PKD1L1: variants seen among roughly 807,000 people sequenced by gnomAD.
PKD1L1 encodes the protein polycystin-1-like protein 1.
Under a neutral mutation model 323.4 loss-of-function variants are expected in PKD1L1, and 236 were observed. That is an observed-to-expected ratio of 0.73 (90% CI 0.66 to 0.81). PKD1L1 has a LOEUF of 0.81. Among genes scored for constraint, PKD1L1 ranks in the 40% least tolerant of loss-of-function variants. PKD1L1 has a pLI of 0.00. For synonymous variants in PKD1L1, 1,344 were observed against 1,335.0 expected, an observed-to-expected ratio of 1.01 and a Z score of -0.15; for missense variants, 3,320 against 3,508.0, an observed-to-expected ratio of 0.95 and a Z score of 1.35.
rs375249798 is a variant in PKD1L1 at position 47,892,888 on chromosome 7, C to CAA, written c.2453+988_2453+989dup. Among the ~76,000 whole-genome samples the CAA allele has an allele frequency of 9.9e-3, 1,445 of 146,540 alleles. 29 individuals are homozygous for CAA. Among genetic ancestry groups the CAA allele is most frequent in the African/African-American group, 0.034 (1,362 of 39,866 alleles). ...GTGGAACTGATGTTTAAGGGAGGGC[C>CAA]AAAAAAAAAGAAAGGAAGAAAAAGA... On this transcript the variant is annotated intron_variant, in intron 15 of 56. Coordinates refer to ENST00000289672, the MANE Select transcript of PKD1L1 (RefSeq NM_138295.5).
chr7:47,788,661 T>G (rs889983459), intron 56 of PKD1L1, among the ~76,000 whole-genome samples: 9 of 151,146 alleles, frequency 6.0e-5, no homozygotes, highest in Non-Finnish European at 1.0e-4. Flanking sequence ...AGTGGTGCAA[T>G]CTCGGCTCAC....
At chr7:47,827,578 C>G in intron 44 of PKD1L1, 110 bp from the exon 45 acceptor site, 1 of 894,716 alleles carries the variant, frequency 1.1e-6, no homozygotes, top group African/African-American at 1.6e-5. Flanking sequence ...GTGCCTTCAG[C>G]CTGGCATTTG....
At chr7:47,864,712 CTTCCT>C (rs1314725395) in intron 26 of PKD1L1, among the ~76,000 whole-genome samples, 11 of 136,262 alleles carry the variant, frequency 8.1e-5, no homozygotes, top group South Asian at 5.4e-4. Context: ...CTTCCCTTCC[CTTCCT>C]TTCCTTTCCT....
intron 46 of PKD1L1, among the ~76,000 whole-genome samples, chr7:47,820,052 A>G (rs1052915599): frequency 2.6e-5 from 4 of 152,214 alleles, no homozygotes; most frequent in Admixed American, 2.6e-4. Flanking sequence ...GCAAAGAACC[A>G]ATATTATTTC....
At position 47,839,944 on chromosome 7, in the gene PKD1L1, G is replaced by A. The variant is rs768898278; in HGVS notation, c.5553-282C>T. ...TCTCGTTCATGTATTTGTCTCTGGT[G>A]TGGATTAGTCTAAAGTTAACCTTTT... On this transcript the variant is annotated intron_variant, in intron 35 of 56. Coordinates refer to ENST00000289672, the MANE Select transcript of PKD1L1 (RefSeq NM_138295.5). This position sits in a 1 kb window ranked among gnomAD's most constrained non-coding sequence, Gnocchi z 4.3. 6.6e-6 allele frequency among the ~76,000 whole-genome samples: 1 copy of A among 152,160 alleles called. No individual in the cohort carries two copies. The highest frequency in any genetic ancestry group is 1.5e-5 in the Non-Finnish European group (1 of 68,034).
chr7:47,905,198 TG>T lies in PKD1L1; in HGVS notation c.1649del (p.Thr550LysfsTer18). 6.2e-7 allele frequency: 1 copy of T among 1,614,160 alleles called. No homozygotes were observed. Among genetic ancestry groups the T allele is most frequent in the Non-Finnish European group, 8.5e-7 (1 of 1,180,032 alleles). On this transcript the variant is annotated frameshift_variant, in exon 11 of 57. Transcript: ENST00000289672. LOFTEE classifies it high-confidence loss of function. The stretch of plus-strand genomic sequence containing the variant: ...GTCTTTTTTTAATGCTTCTTGAAGT[TG>T]TCCTCACTGGTGGATCCTCTCCAAA... The part of the protein sequence containing the change: ...WYFGEDPPVR[T>X]TSRSIKKRLS...
Position 47,877,496 on chromosome 7 carries a change from C to G in PKD1L1, c.3656G>C (p.Gly1219Ala), listed in dbSNP as rs1466872690. 6.2e-7 allele frequency: 1 copy of G among 1,613,768 alleles called. No individual in the cohort carries two copies. Among genetic ancestry groups the G allele is most frequent in the Non-Finnish European group, 8.5e-7 (1 of 1,179,856 alleles). ...HTVFSVFCMS[G>A]KPDFHYEFSY... ...ATGGGGTTGTCCACGTACCGGTTTTCCAGACATGCAGAAGACACTGAAGAC... is the reference window on the plus strand; with the variant it reads ...ATGGGGTTGTCCACGTACCGGTTTTGCAGACATGCAGAAGACACTGAAGAC... The change falls in exon 22 of 57, where the codon GGA becomes GCA. Residue 1219 changes from glycine (G) to alanine (A), a missense_variant. Physicochemically the swap from Gly to Ala is moderately conservative, Grantham distance 60. Transcript: ENST00000289672.
chr7:47,779,405 G>A (rs773049956), intron 56 of PKD1L1, among the ~76,000 whole-genome samples: 1 of 152,172 alleles, frequency 6.6e-6, no homozygotes, highest in Non-Finnish European at 1.5e-5. Context: ...GAAACATGGT[G>A]TGTTTTGAGG....
chr7:47,894,092 G>A, intron 14 of PKD1L1, 33 bp from the exon 15 acceptor site: 1 of 1,517,952 alleles, frequency 6.6e-7, no homozygotes, highest in Non-Finnish European at 8.8e-7. Context: ...GGGATGTCAT[G>A]CAGGGACAAG....
rs562928792 is a variant in PKD1L1 at position 47,795,767 on chromosome 7, G to A, written c.8355+222C>T. On this transcript the variant is annotated intron_variant, in intron 55 of 56. Coordinates refer to ENST00000289672, the MANE Select transcript of PKD1L1 (RefSeq NM_138295.5). The stretch of plus-strand genomic sequence containing the variant: ...ACAGGTCACTATAAGGATATAGTGA[G>A]TTAAGGCAGGAGAATGTGCTTGGTA... Among the ~76,000 whole-genome samples the A allele has an allele frequency of 1.7e-4, 26 of 152,298 alleles. 1 individual carries two copies. The South Asian group carries it at 5.2e-3, about 30-fold the overall frequency.
chr7:47,934,608 T>C (rs1175382924), intron 4 of PKD1L1, among the ~76,000 whole-genome samples: 1 of 152,204 alleles, frequency 6.6e-6, no homozygotes, highest in Non-Finnish European at 1.5e-5. Flanking sequence ...AACCTGCATG[T>C]CTTAGCTGAG....
intron 56 of PKD1L1, among the ~76,000 whole-genome samples, chr7:47,777,948 G>A (rs747303089): frequency 6.6e-6 from 1 of 152,248 alleles, no homozygotes; most frequent in East Asian, 1.9e-4. Context: ...CTGCAGGGGA[G>A]GTGGCGTCAG....
At chr7:47,960,009 AT>A in the PKD1L1 span, among the ~76,000 whole-genome samples, 38 of 152,242 alleles carry the variant, frequency 2.5e-4, no homozygotes, top group East Asian at 7.2e-3. Flanking sequence ...GAGACTTTTC[AT>A]TTTGTTCTGT....
At chr7:47,795,860 G>T (rs956518427) in intron 55 of PKD1L1, 129 bp downstream of exon 55, 1 of 1,100,598 alleles carries the variant, frequency 9.1e-7, no homozygotes, top group Non-Finnish European at 1.3e-6. Context: ...GACTAATTTT[G>T]TGGCTTTGCA....
chr7:47,811,735 C>A, intron 50 of PKD1L1, 82 bp downstream of exon 50: 1 of 1,139,738 alleles, frequency 8.8e-7, no homozygotes, highest in South Asian at 1.5e-5. Flanking sequence ...GGAACTAGTC[C>A]TGTCTGGTGG....
chr7:47,915,634 G>C (rs770919067), intron 7 of PKD1L1, 35 bp from the exon 8 acceptor site: 5 of 1,340,762 alleles, frequency 3.7e-6, no homozygotes, highest in Non-Finnish European at 5.1e-6. Context: ...AAAGATAAAA[G>C]TGGAAATTAA....
rs550050701 is a variant in PKD1L1, at chr7:47,946,390, C to T, written c.44+2007G>A. Among the ~76,000 whole-genome samples the T allele has an allele frequency of 1.8e-4, 26 of 147,076 alleles. No homozygotes were observed. The East Asian group carries it at 4.6e-3, about 26-fold the overall frequency. On this transcript the variant is annotated intron_variant, in intron 1 of 56. Coordinates refer to ENST00000289672, the MANE Select transcript of PKD1L1 (RefSeq NM_138295.5). The surrounding 1 kb of genome is among the most constrained non-coding windows in gnomAD (Gnocchi z 4.1). ...CCACACACTCACACCACACCACACT[C>T]ACACCACACAAACACACCACACAGC...
intron 56 of PKD1L1, among the ~76,000 whole-genome samples, chr7:47,786,858 G>A (rs185873097): frequency 2.6e-5 from 4 of 152,284 alleles, no homozygotes; most frequent in African/African-American, 4.8e-5. Context: ...AGGCTACATA[G>A]CTGAGAGGCC....
At chr7:47,800,220 C>T (rs2128725704) in intron 54 of PKD1L1, among the ~76,000 whole-genome samples, 1 of 152,350 alleles carries the variant, frequency 6.6e-6, no homozygotes, top group African/African-American at 2.4e-5. Flanking sequence ...GGAGCCATTC[C>T]TCCTTCAGCC....
Sources: gnomAD v4.1 joint callset for allele counts (sites outside exome capture counted in the v4.1 genomes callset) on GRCh38, gnomAD v4.1.1 for gene constraint, Gnocchi (gnomAD v3.1) non-coding constraint, MANE v1.5 for transcripts, NCBI Gene and HGNC (gene_info 2026-07-23, HGNC 2026-07-21) for gene names.